The following KCTD16 variants were observed in gnomAD, a reference collection of about 807,000 sequenced individuals.
KCTD16 encodes BTB/POZ domain-containing protein KCTD16.
KCTD16 carries 13 observed loss-of-function variants against 33.2 expected under a neutral mutation model. The observed-to-expected ratio is 0.39, with a 90% CI of 0.25 to 0.62. The LOEUF (loss-of-function observed/expected upper bound fraction) is 0.62. Ranked by LOEUF, KCTD16 falls within the 20% of genes least tolerant of loss-of-function variation. The pLI, the probability that KCTD16 is intolerant of heterozygous loss-of-function variation, is 0.50. For missense variants in KCTD16, 441 were observed against 525.1 expected, an observed-to-expected ratio of 0.84 and a Z score of 1.57; for synonymous variants, 197 against 195.3, an observed-to-expected ratio of 1.01 and a Z score of -0.07.
intron 3 of KCTD16, among the ~76,000 whole-genome samples, chr5:144,382,156 A>G (rs1745165607): frequency 6.6e-6 from 1 of 152,180 alleles, no homozygotes; most frequent in South Asian, 2.1e-4. Flanking sequence ...CAGAAAATCA[A>G]ATACTACATA....
chr5:144,318,178 T>C (rs1004767977), intron 3 of KCTD16, among the ~76,000 whole-genome samples: 2 of 152,228 alleles, frequency 1.3e-5, no homozygotes, highest in Non-Finnish European at 2.9e-5. Flanking sequence ...CTTTTTGTTA[T>C]TGAAAGAGGG....
intron 3 of KCTD16, among the ~76,000 whole-genome samples, chr5:144,403,709 G>A (rs924235926): frequency 6.6e-6 from 1 of 152,190 alleles, no homozygotes; most frequent in Non-Finnish European, 1.5e-5. Context: ...TATATTCACA[G>A]ATTCTGGGGA....
intron 3 of KCTD16, among the ~76,000 whole-genome samples, chr5:144,413,801 G>A (rs1246586368): frequency 6.6e-6 from 1 of 152,178 alleles, no homozygotes; most frequent in Non-Finnish European, 1.5e-5. Flanking sequence ...AAATCTCTGA[G>A]TACTTTCTTT....
intron 3 of KCTD16, among the ~76,000 whole-genome samples, chr5:144,249,134 G>A (rs1402275097): frequency 3.3e-5 from 5 of 151,890 alleles, no homozygotes; most frequent in South Asian, 2.1e-4. Context: ...CAACACCCTC[G>A]TCTTCATTTC....
chr5:144,295,286 C>G (rs1194194911), intron 3 of KCTD16, among the ~76,000 whole-genome samples: 3 of 152,204 alleles, frequency 2.0e-5, no homozygotes, highest in Non-Finnish European at 4.4e-5. Flanking sequence ...GCCTAGCATA[C>G]TGCCTGGCAT....
chr5:144,185,110 G>A lies in KCTD16; in HGVS notation c.-327+10638G>A, dbSNP rs1391287156. On this transcript the variant is annotated intron_variant, in intron 2 of 3. Transcript: ENST00000512467. ...TACTGTTAACTATCTTCATTTTGCAGAGGAAGACAGAGGCAGAGAGAGGTA... is the reference window on the plus strand; with the variant it reads ...TACTGTTAACTATCTTCATTTTGCAAAGGAAGACAGAGGCAGAGAGAGGTA... Among the ~76,000 whole-genome samples, 3 of 152,174 alleles carry A rather than the reference G, an allele frequency of 2.0e-5. No individual in the cohort carries two copies. In the East Asian group the frequency reaches 5.8e-4, roughly 29 times the overall value.
rs371181308 is a variant in KCTD16, at chr5:144,234,540, C to G, written c.832+26994C>G. Among the ~76,000 whole-genome samples the G allele has an allele frequency of 3.9e-5, 6 of 152,144 alleles. No individual in the cohort carries two copies. In the East Asian group the frequency reaches 5.8e-4, roughly 15 times the overall value. On this transcript the variant is annotated intron_variant, in intron 3 of 3. Transcript: ENST00000512467. ...AACACAGTGGCTGTTTGGTGACAAG[C>G]CCTGGACTTGAAATTTGAAGGCTTG... is the stretch of plus-strand genomic sequence containing the variant.
At chr5:144,209,429 T>C (rs1252030965) in intron 3 of KCTD16, among the ~76,000 whole-genome samples, 2 of 152,140 alleles carry the variant, frequency 1.3e-5, no homozygotes, top group African/African-American at 4.8e-5. Context: ...TCTCCATCTC[T>C]CCATGGACAG....
At chr5:144,239,775 G>T (rs1895149) in intron 3 of KCTD16, among the ~76,000 whole-genome samples, 1 of 151,850 alleles carries the variant, frequency 6.6e-6, no homozygotes, top group South Asian at 2.1e-4. Context: ...ACTATACAAC[G>T]CATAAACTAT....
At chr5:144,288,889 G>T (rs1755820492) in intron 3 of KCTD16, among the ~76,000 whole-genome samples, 1 of 152,154 alleles carries the variant, frequency 6.6e-6, no homozygotes, top group South Asian at 2.1e-4. Flanking sequence ...CATGGCACAT[G>T]CCTGTAATCC....
At chr5:144,406,591 A>G (rs1003835911) in intron 3 of KCTD16, among the ~76,000 whole-genome samples, 4 of 152,184 alleles carry the variant, frequency 2.6e-5, no homozygotes, top group African/African-American at 9.7e-5. Flanking sequence ...TGCACCGGTT[A>G]TGGTTTATCT....
At chr5:144,299,072 A>ATATATATATATATATATTT (rs1491103244) in intron 3 of KCTD16, among the ~76,000 whole-genome samples, 1 of 57,432 alleles carries the variant, frequency 1.7e-5, no homozygotes, top group Non-Finnish European at 3.4e-5. Flanking sequence ...ATATATATAT[A>ATATATATATATATATATTT]TTTTTGTATA....
intron 3 of KCTD16, among the ~76,000 whole-genome samples, chr5:144,434,053 C>T (rs1199869192): frequency 6.6e-6 from 1 of 152,192 alleles, no homozygotes; most frequent in Non-Finnish European, 1.5e-5. Flanking sequence ...CTGTTTCCCA[C>T]TTCCTAGCAC....
chr5:144,331,123 G>GT (rs1344730558), intron 3 of KCTD16, among the ~76,000 whole-genome samples: 2 of 152,196 alleles, frequency 1.3e-5, no homozygotes, highest in Non-Finnish European at 2.9e-5. Context: ...ACATCTAAGA[G>GT]TTTCTGCTTT....
chr5:144,180,691 C>T (rs908803705), intron 2 of KCTD16, among the ~76,000 whole-genome samples: 3 of 152,174 alleles, frequency 2.0e-5, no homozygotes, highest in Non-Finnish European at 4.4e-5. Context: ...GTTGGGATCT[C>T]AGCTAGAGCT....
chr5:144,188,160 T>C (rs970817675), intron 2 of KCTD16, among the ~76,000 whole-genome samples: 2 of 152,232 alleles, frequency 1.3e-5, no homozygotes, highest in African/African-American at 2.4e-5. Flanking sequence ...ATGTTTTGGT[T>C]GGTAATTAAT....
intron 3 of KCTD16, among the ~76,000 whole-genome samples, chr5:144,325,263 C>G (rs1244376360): frequency 1.3e-5 from 2 of 152,124 alleles, no homozygotes; most frequent in African/African-American, 4.8e-5. Flanking sequence ...TCAAGCTACC[C>G]TTGTCTCTTA....
chr5:144,403,228 A>T (rs552817194), intron 3 of KCTD16, among the ~76,000 whole-genome samples: 51 of 152,328 alleles, frequency 3.3e-4, no homozygotes, highest in African/African-American at 1.1e-3. Flanking sequence ...TGTCTGCCAA[A>T]AAGATAAGCT....
At chr5:144,194,742 T>C (rs10072337) in intron 2 of KCTD16, among the ~76,000 whole-genome samples, 68,567 of 151,656 alleles carry the variant, frequency 0.45, 16,365 homozygotes, top group African/African-American at 0.61. Flanking sequence ...TGTAACTTTT[T>C]CAGCTGGTAA....
Sources: allele counts gnomAD v4.1 joint callset (sites outside exome capture counted in the v4.1 genomes callset), GRCh38; gene constraint gnomAD v4.1.1; transcripts MANE v1.5; gene names NCBI Gene and HGNC (gene_info 2026-07-23, HGNC 2026-07-21).